Variants in SLC25A30 observed in about 807,000 individuals in gnomAD.
SLC25A30 encodes kidney mitochondrial carrier protein 1.
SLC25A30 carries 29 observed loss-of-function variants against 42.7 expected under a neutral mutation model. The observed-to-expected ratio is 0.68, with a 90% CI of 0.51 to 0.93. The LOEUF (loss-of-function observed/expected upper bound fraction) is 0.93, where lower values mean the gene tolerates loss of function less well. Among genes scored for constraint, SLC25A30 ranks in the 40% least tolerant of loss-of-function variants. The pLI is 0.00. For synonymous variants in SLC25A30, 124 were observed against 131.0 expected, an observed-to-expected ratio of 0.95 and a Z score of 0.37; for missense variants, 300 against 359.7, an observed-to-expected ratio of 0.83 and a Z score of 1.34.
intron 3 of SLC25A30, among the ~76,000 whole-genome samples, chr13:45,406,258 T>G (rs778873968): frequency 6.6e-6 from 1 of 152,148 alleles, no homozygotes; most frequent in Non-Finnish European, 1.5e-5. Context: ...AATTTTTGTA[T>G]TTTTAGTAGA....
chr13:45,404,315 A>T lies in SLC25A30; in HGVS notation c.393+12T>A, dbSNP rs1882290498. 6.3e-7 allele frequency: 1 copy of T among 1,588,304 alleles called. No individual in the cohort carries two copies. Among genetic ancestry groups the T allele is most frequent in the African/African-American group, 1.3e-5 (1 of 74,484 alleles). On this transcript the variant is annotated intron_variant, in intron 5 of 9. Transcript: ENST00000519676. ...TGGAATGTGCCTATAAGATATAGAT[A>T]GCACAGCTTACTTTCAAAACATCAG...
At chr13:45,411,658 A>C (rs1263785050) in intron 1 of SLC25A30, 178 bp from the exon 2 acceptor site, 1 of 523,454 alleles carries the variant, frequency 1.9e-6, no homozygotes, top group African/African-American at 1.9e-5. Flanking sequence ...CCTCAAATCA[A>C]CAATTTCCAA....
In SLC25A30 at chr13:45,396,010, A is replaced by C. The variant is rs761623033; in HGVS notation, c.840T>G (p.Phe280Leu). The C allele has an allele frequency of 1.2e-5, 19 of 1,614,084 alleles. No individual in the cohort carries two copies. The highest frequency in any genetic ancestry group is 1.4e-5 in the Non-Finnish European group (17 of 1,180,022). The change falls in exon 10 of 10, where the codon TTT (phenylalanine) becomes TTG (leucine). Residue 280 changes from phenylalanine to leucine, a missense_variant. Phe to Leu is a conservative substitution (Grantham distance 22). Coordinates refer to ENST00000519676, the MANE Select transcript of SLC25A30 (RefSeq NM_001010875.4). The part of the protein sequence containing the change: ...LRLGPWNIIF[F>L]VTYEQLKKLD... ...ATTTCTTCAACTGCTCGTATGTCAC[A>C]AAGAACTGTGGTTATGGGTTAAGGA...
At chr13:45,402,665 A>G in intron 5 of SLC25A30, 1 of 643,016 alleles carries the variant, frequency 1.6e-6, no homozygotes, top group Non-Finnish European at 1.9e-6. Context: ...AAGTCTTTCT[A>G]GGATAGAAAA....
Position 45,394,621 on chromosome 13 carries a change from G to A in SLC25A30, c.*1353C>T. On this transcript the variant is annotated 3_prime_UTR_variant, in exon 10 of 10. Coordinates refer to ENST00000519676, the MANE Select transcript of SLC25A30 (RefSeq NM_001010875.4). ...TCACAGTCATCTTTTATTTTGAAAA[G>A]ACTAAGATGAAGACAAGAAGGAAGA... The A allele has an allele frequency of 2.0e-6, 2 of 985,338 alleles. No individual in the cohort carries two copies. Among genetic ancestry groups the A allele is most frequent in the Non-Finnish European group, 2.4e-6 (2 of 829,910 alleles). The allele number at this position is 985,338 out of a possible 1,614,324, so 61.0% of individuals were successfully genotyped here. A position where few individuals can be genotyped will look rare whatever the true frequency, so the allele number is the denominator to read the frequency against.
the SLC25A30 span, among the ~76,000 whole-genome samples, chr13:45,425,098 ATAAATATATAAATATATT>A: frequency 1.3e-4 from 9 of 71,048 alleles, no homozygotes; most frequent in African/African-American, 5.3e-4. Context: ...AAATATATTT[ATAAATATATAAATATATT>A]TATAAATATA....
the SLC25A30 span, among the ~76,000 whole-genome samples, chr13:45,425,496 G>C: frequency 1.9e-5 from 2 of 103,596 alleles, no homozygotes; most frequent in Non-Finnish European, 3.6e-5. Flanking sequence ...ATATATATAA[G>C]TATATAGAAA....
Position 45,397,335 on chromosome 13 carries a change from A to G in SLC25A30, c.757T>C (p.Trp253Arg). The G allele has an allele frequency of 6.2e-7, 1 of 1,606,486 alleles. No homozygotes were observed. The highest frequency in any genetic ancestry group is 8.5e-7 in the Non-Finnish European group (1 of 1,174,404). Residue 253 changes from tryptophan (W) to arginine (R), a missense_variant, in exon 9 of 10, where the codon TGG (tryptophan) becomes CGG (arginine). Physicochemically the swap from Trp to Arg is moderately radical, Grantham distance 101 (BLOSUM62 -3). Transcript: ENST00000519676. ...AGAGCAAAAAACCCTTCATTCTTCCATGTCTGTTAAAAGAAGAAAAAAAAG... is the reference window on the plus strand; with the variant it reads ...AGAGCAAAAAACCCTTCATTCTTCCGTGTCTGTTAAAAGAAGAAAAAAAAG... The part of the protein sequence containing the change: ...TGTLDCLLQT[W>R]KNEGFFALYK...
In SLC25A30 at chr13:45,394,069, T is replaced by A. The variant is rs1881139384; in HGVS notation, c.*1905A>T. On this transcript the variant is annotated 3_prime_UTR_variant, in exon 10 of 10. Coordinates refer to ENST00000519676, the MANE Select transcript of SLC25A30 (RefSeq NM_001010875.4). ...AGTGAAAGCCTCTCTATAGAAAGTC[T>A]TTATAAAATCAATGGAATGTTTTGG... The A allele has an allele frequency of 1.0e-6, 1 of 985,246 alleles. No homozygotes were observed. Among genetic ancestry groups the A allele is most frequent in the Non-Finnish European group, 1.2e-6 (1 of 829,910 alleles). 61.0% of individuals were successfully genotyped at this position (985,246 alleles called of 1,614,324 possible). A position where few individuals can be genotyped will look rare whatever the true frequency, so the allele number is the denominator to read the frequency against.
At chr13:45,425,256 AC>A in the SLC25A30 span, among the ~76,000 whole-genome samples, 1 of 105,518 alleles carries the variant, frequency 9.5e-6, no homozygotes, top group African/African-American at 3.9e-5. Context: ...AAATATATAT[AC>A]GTATATATAC....
At chr13:45,415,296 C>T (rs1383022746) in intron 1 of SLC25A30, among the ~76,000 whole-genome samples, 1 of 152,116 alleles carries the variant, frequency 6.6e-6, no homozygotes, top group Non-Finnish European at 1.5e-5. Context: ...TAAGGTTTCT[C>T]TGAAGGATCA....
At chr13:45,425,451 TAA>T in the SLC25A30 span, among the ~76,000 whole-genome samples, 71 of 109,040 alleles carry the variant, frequency 6.5e-4, 2 homozygotes, top group South Asian at 3.5e-3. Context: ...TATAAATATA[TAA>T]GTGTATATAT....
At chr13:45,421,379 CA>C (rs368665089), upstream of SLC25A30, among the ~76,000 whole-genome samples, 2,831 of 83,216 alleles carry the variant, frequency 0.034, 39 homozygotes, top group African/African-American at 0.094. Flanking sequence ...ACTCCATCTC[CA>C]AAAAAAAAAA....
At chr13:45,406,174 C>T (rs1190440861) in intron 3 of SLC25A30, among the ~76,000 whole-genome samples, 197 bp from the exon 4 acceptor site, 4 of 152,104 alleles carry the variant, frequency 2.6e-5, no homozygotes, top group Non-Finnish European at 4.4e-5. Flanking sequence ...CCTCTGCCTC[C>T]CGGGTTCAAG....
chr13:45,408,184 T>C (rs1882692777), intron 3 of SLC25A30, among the ~76,000 whole-genome samples: 1 of 152,160 alleles, frequency 6.6e-6, no homozygotes, highest in South Asian at 2.1e-4. Flanking sequence ...CACACACATA[T>C]ACTATGTGAG....
chr13:45,409,181 A>G, intron 2 of SLC25A30, 107 bp from the exon 3 acceptor site: 1 of 816,576 alleles, frequency 1.2e-6, no homozygotes, highest in Non-Finnish European at 1.7e-6. Context: ...ATAAACTAAG[A>G]AAGTGATTAA....
chr13:45,410,853 T>A (rs1455386418), intron 2 of SLC25A30, among the ~76,000 whole-genome samples: 1 of 152,176 alleles, frequency 6.6e-6, no homozygotes, highest in Admixed American at 6.5e-5. Context: ...GTCAATAGGA[T>A]CAACTTTCTC....
At position 45,395,012 on chromosome 13, in the gene SLC25A30, C is replaced by A; in HGVS notation, c.*962G>T. ...AGACCTTAACAAAGGGCTTCATTCA[C>A]AATTACCATGAGAAGCCCATGAGAA... On this transcript the variant is annotated 3_prime_UTR_variant, in exon 10 of 10. Transcript: ENST00000519676. 4.1e-6 allele frequency: 4 copies of A among 985,460 alleles called. No homozygotes were observed. The highest frequency in any genetic ancestry group is 4.8e-6 in the Non-Finnish European group (4 of 829,940). 61.0% of individuals were successfully genotyped at this position (985,460 alleles called of 1,614,324 possible).
rs980194685 is a variant in SLC25A30 at position 45,393,812 on chromosome 13, G to A, written c.*2162C>T. ...AAATACTATGCTTTTATCTTAAATCGTGCTTAAGTTTTACCATGAGGTTTG... is the reference window on the plus strand; with the variant it reads ...AAATACTATGCTTTTATCTTAAATCATGCTTAAGTTTTACCATGAGGTTTG... On this transcript the variant is annotated 3_prime_UTR_variant, in exon 10 of 10. Transcript: ENST00000519676. The A allele has an allele frequency of 2.2e-5, 22 of 985,180 alleles. No individual in the cohort carries two copies. The highest frequency in any genetic ancestry group is 1.0e-4 in the African/African-American group (6 of 57,212). 61.0% of individuals were successfully genotyped at this position (985,180 alleles called of 1,614,324 possible). A position where few individuals can be genotyped will look rare whatever the true frequency, so the allele number is the denominator to read the frequency against.
Sources: gnomAD v4.1 joint callset for allele counts (sites outside exome capture counted in the v4.1 genomes callset) on GRCh38, gnomAD v4.1.1 for gene constraint, MANE v1.5 for transcripts, NCBI Gene and HGNC (gene_info 2026-07-23, HGNC 2026-07-21) for gene names.